Variants in RELN observed in about 807,000 individuals in gnomAD.
RELN encodes the protein reelin.
RELN carries 108 observed loss-of-function variants against 427.6 expected under a neutral mutation model. The ratio of observed to expected loss-of-function variants is 0.25; its 90% CI spans 0.22 to 0.30. The LOEUF is 0.30. RELN is among the 10% of genes least tolerant of loss of function. RELN has a pLI of 1.00. For synonymous variants in RELN, 1,524 were observed against 1,513.4 expected, an observed-to-expected ratio of 1.01 and a Z score of -0.16; for missense variants, 3,715 against 4,302.8, an observed-to-expected ratio of 0.86 and a Z score of 3.82.
At chr7:103,803,066 C>A (rs564114610) in intron 3 of RELN, among the ~76,000 whole-genome samples, 3 of 152,054 alleles carry the variant, frequency 2.0e-5, no homozygotes, top group Non-Finnish European at 4.4e-5. Context: ...ATAGAATCAC[C>A]CACATAGATA....
At chr7:103,826,062 A>AATGGGTTCCTGATAAAAGGATGAG (rs542841872) in intron 3 of RELN, among the ~76,000 whole-genome samples, 4 of 152,038 alleles carry the variant, frequency 2.6e-5, no homozygotes, top group Admixed American at 1.3e-4. Context: ...TTACCTCAGG[A>AATGGGTTCCTGATAAAAGGATGAG]ATGGGTTCCT....
chr7:103,636,201 G>T (rs1832575818), intron 18 of RELN, 34 bp downstream of exon 18: 2 of 1,379,894 alleles, frequency 1.4e-6, no homozygotes, highest in African/African-American at 1.4e-5. Context: ...TTAGTATCTG[G>T]TTTTTGTATG....
At chr7:103,804,879 G>A (rs1792558143) in intron 3 of RELN, among the ~76,000 whole-genome samples, 1 of 152,076 alleles carries the variant, frequency 6.6e-6, no homozygotes, top group Non-Finnish European at 1.5e-5. Flanking sequence ...AGCCAGCATA[G>A]TTTTAATGAT....
intron 6 of RELN, among the ~76,000 whole-genome samples, chr7:103,737,477 G>C (rs956700868): frequency 6.6e-6 from 1 of 152,098 alleles, no homozygotes; most frequent in African/African-American, 2.4e-5. Context: ...ATGGCATGGG[G>C]GTTGTCCAAG....
In RELN at chr7:103,626,353, C is replaced by T. The variant is rs1832328675; in HGVS notation, c.2702+3587G>A. Among the ~76,000 whole-genome samples the T allele has an allele frequency of 6.6e-6, 1 of 152,034 alleles. No individual in the cohort carries two copies. The highest frequency in any genetic ancestry group is 2.4e-5 in the African/African-American group (1 of 41,416). ...ACAACTATTCTCTCTCAATTGTACA[C>T]TTATATATTTATTTAGAGACAGAGT... On this transcript the variant is annotated intron_variant, in intron 20 of 64. Coordinates refer to ENST00000428762, the MANE Select transcript of RELN (RefSeq NM_005045.4). This position sits in a 1 kb window ranked among gnomAD's most constrained non-coding sequence, Gnocchi z 4.4.
intron 51 of RELN, 99 bp from the exon 52 acceptor site, chr7:103,503,329 A>G: frequency 3.3e-6 from 3 of 898,462 alleles, no homozygotes; most frequent in East Asian, 5.0e-5. Flanking sequence ...CTTGATATAC[A>G]CTGTACCACA....
intron 3 of RELN, among the ~76,000 whole-genome samples, chr7:103,818,514 C>T (rs1792937095): frequency 6.6e-6 from 1 of 152,054 alleles, no homozygotes; most frequent in Non-Finnish European, 1.5e-5. Context: ...GTGATACTGG[C>T]CTTGATACAA....
chr7:103,518,386 A>C (rs1189047463), intron 49 of RELN, among the ~76,000 whole-genome samples: 1 of 143,744 alleles, frequency 7.0e-6, no homozygotes, highest in African/African-American at 2.6e-5. Flanking sequence ...AGGCTAGAGC[A>C]TAGTGCCACA....
Position 103,989,379 on chromosome 7 carries a change from C to CCGCGCGCCCTA in RELN, c.-34_-24dup. On this transcript the variant is annotated 5_prime_UTR_variant, in exon 1 of 65. The change creates a premature stop within an existing upstream ORF in the 5' untranslated region. Transcript: ENST00000428762. The surrounding 1 kb of genome is among the most constrained non-coding windows in gnomAD (Gnocchi z 4.9). The stretch of plus-strand genomic sequence containing the variant: ...CATGCCGCCGCCGCCGCCGCCGCCG[C>CCGCGCGCCCTA]CGCGCGCCCTACGCGCCGCTCGCTC... The CCGCGCGCCCTA allele has an allele frequency of 1.4e-6, 2 of 1,439,016 alleles. No individual in the cohort carries two copies. The highest frequency in any genetic ancestry group is 3.0e-5 in the African/African-American group (2 of 66,590). 89.1% of individuals were successfully genotyped at this position (1,439,016 alleles called of 1,614,324 possible). A position where few individuals can be genotyped will look rare whatever the true frequency, so the allele number is the denominator to read the frequency against.
intron 3 of RELN, among the ~76,000 whole-genome samples, chr7:103,803,092 G>A (rs1466401964): frequency 5.9e-5 from 9 of 152,100 alleles, no homozygotes; most frequent in South Asian, 2.1e-4. Flanking sequence ...AAGCCACAGT[G>A]TTGAGTCTGT....
At chr7:103,512,486 C>T (rs1015857234) in intron 50 of RELN, among the ~76,000 whole-genome samples, 9 of 152,052 alleles carry the variant, frequency 5.9e-5, no homozygotes, top group African/African-American at 1.9e-4. Flanking sequence ...TAACAGTTAA[C>T]ACTTTGAGGA....
chr7:103,821,967 C>T (rs2116373951), intron 3 of RELN, among the ~76,000 whole-genome samples: 1 of 152,134 alleles, frequency 6.6e-6, no homozygotes, highest in East Asian at 1.9e-4. Context: ...CAGCTTTGAA[C>T]TCATCAATGT....
At position 103,953,795 on chromosome 7, in the gene RELN, G is replaced by T. The variant is rs996098322; in HGVS notation, c.226+35336C>A. Among the ~76,000 whole-genome samples, 1 of 151,750 alleles carries T rather than the reference G, an allele frequency of 6.6e-6. No individual in the cohort carries two copies. Among genetic ancestry groups the T allele is most frequent in the Non-Finnish European group, 1.5e-5 (1 of 67,970 alleles). On this transcript the variant is annotated intron_variant, in intron 1 of 64. Transcript: ENST00000428762. The surrounding 1 kb of genome is among the most constrained non-coding windows in gnomAD (Gnocchi z 4.3). ...TAAAAATAGAAAATTATCCAGGTGTGGTGGCACACGCCTATAATCCCAACT... is the reference window on the plus strand; with the variant it reads ...TAAAAATAGAAAATTATCCAGGTGTTGTGGCACACGCCTATAATCCCAACT...
intron 3 of RELN, among the ~76,000 whole-genome samples, chr7:103,816,433 T>C (rs542068185): frequency 3.9e-5 from 6 of 152,206 alleles, no homozygotes; most frequent in African/African-American, 1.4e-4. Flanking sequence ...AATATTTTAC[T>C]TTTCATAAAA....
chr7:103,810,651 T>G (rs1008292681), intron 3 of RELN, among the ~76,000 whole-genome samples: 1 of 152,102 alleles, frequency 6.6e-6, no homozygotes, highest in African/African-American at 2.4e-5. Context: ...CAGATTACCC[T>G]TCCTTGCAGG....
At chr7:103,817,364 T>C (rs767517752) in intron 3 of RELN, among the ~76,000 whole-genome samples, 4 of 152,164 alleles carry the variant, frequency 2.6e-5, no homozygotes, top group Non-Finnish European at 4.4e-5. Context: ...GACAGGCAGA[T>C]ACCCAGAAGA....
rs751135625 is a variant in RELN at position 103,630,105 on chromosome 7, T to C, written c.2537A>G (p.His846Arg). The change falls in exon 20 of 65, where the codon CAT becomes CGT. Residue 846 changes from histidine (H) to arginine (R), a missense_variant. His to Arg is a conservative substitution (Grantham distance 29). This residue lies in a region of RELN where 2,208 missense variants were observed against 2,361.7 expected (regional missense o/e 0.93). Transcript: ENST00000428762. Reference protein sequence around the residue: ...GIQFRWWQPYHSSQREDVWAI... With the variant: ...GIQFRWWQPYRSSQREDVWAI... ...CCATACATCTTCTCTCTGGGAAGAA[T>C]GATACGGTTGCCACCATCTGAACTG... 1.2e-6 allele frequency: 2 copies of C among 1,613,428 alleles called. No individual in the cohort carries two copies. Among genetic ancestry groups the C allele is most frequent in the African/African-American group, 2.7e-5 (2 of 74,858 alleles).
intron 18 of RELN, 83 bp from the exon 19 acceptor site, chr7:103,635,669 TTA>T (rs770053796): frequency 1.7e-6 from 2 of 1,210,884 alleles, no homozygotes; most frequent in Non-Finnish European, 2.4e-6. Flanking sequence ...GAATTTCAAA[TTA>T]TGTTTCTACT....
chr7:103,924,391 G>A (rs925269549), intron 1 of RELN, among the ~76,000 whole-genome samples: 12 of 151,962 alleles, frequency 7.9e-5, no homozygotes, highest in African/African-American at 2.9e-4. Flanking sequence ...TGTGATAAAG[G>A]ACTAAGCTTA....
Sources: allele counts gnomAD v4.1 joint callset (sites outside exome capture counted in the v4.1 genomes callset), GRCh38; gene constraint gnomAD v4.1.1; regional missense constraint gnomAD v4.1.1; non-coding constraint Gnocchi (gnomAD v3.1); transcripts MANE v1.5; gene names NCBI Gene and HGNC (gene_info 2026-07-23, HGNC 2026-07-21).